ETV5: variants seen among roughly 807,000 people sequenced by gnomAD.
ETV5 encodes ETS translocation variant 5.
Under a neutral mutation model 70.0 loss-of-function variants are expected in ETV5, and 10 were observed. That is an observed-to-expected ratio of 0.14 (90% CI 0.09 to 0.24). ETV5 has a LOEUF of 0.24. Ranked by LOEUF, ETV5 falls within the 10% of genes least tolerant of loss-of-function variation. The probability of loss-of-function intolerance (pLI) is 1.00; values close to 1 mark genes in which losing one functional copy is unlikely to be tolerated. For missense variants in ETV5, 453 were observed against 651.2 expected (o/e 0.70, Z 3.31); for synonymous variants, 216 against 242.2 (o/e 0.89, Z 1.01).
At chr3:186,086,924 T>G (rs1714073042) in intron 5 of ETV5, among the ~76,000 whole-genome samples, 2 of 151,906 alleles carry the variant, frequency 1.3e-5, no homozygotes, top group South Asian at 4.1e-4. Context: ...TGAGCTGTGA[T>G]CATGCCACTG....
chr3:186,073,175 A>G (rs1713686770), intron 7 of ETV5, among the ~76,000 whole-genome samples: 1 of 152,230 alleles, frequency 6.6e-6, no homozygotes, highest in Admixed American at 6.5e-5. Flanking sequence ...GTGATGATGA[A>G]AAGATCAGGG....
rs540228055 is a variant in ETV5 at position 186,081,239 on chromosome 3, T to C, written c.233-64A>G. 10 of 1,485,088 alleles carry C rather than the reference T, an allele frequency of 6.7e-6. No homozygotes were observed. In the African/African-American group the frequency reaches 1.3e-4, roughly 19 times the overall value. 92.0% of individuals were successfully genotyped at this position (1,485,088 alleles called of 1,614,324 possible). On this transcript the variant is annotated intron_variant, in intron 5 of 12. Coordinates refer to ENST00000306376, the MANE Select transcript of ETV5 (RefSeq NM_004454.3). ...AACAGCTGATTAACAGGGAGCACAA[T>C]GCTTCCTTCTGCAAACCTTCTAACT...
At chr3:186,078,283 T>C in intron 7 of ETV5, 1 of 805,880 alleles carries the variant, frequency 1.2e-6, no homozygotes, top group Non-Finnish European at 1.6e-6. Flanking sequence ...GTTCATGGTA[T>C]AACAAATAGA....
At chr3:186,108,823 T>C in intron 1 of ETV5, 117 bp downstream of exon 1, 3 of 271,600 alleles carry the variant, frequency 1.1e-5, no homozygotes, top group South Asian at 1.0e-4. Context: ...CCCCAGCTAC[T>C]GCACCCCGAC....
At chr3:186,048,906 TG>T in intron 12 of ETV5, 46 bp from the exon 13 acceptor site, 1 of 1,507,804 alleles carries the variant, frequency 6.6e-7, no homozygotes, top group South Asian at 1.1e-5. Flanking sequence ...GAACAGGGCA[TG>T]GGATCAGGGG....
At chr3:186,078,100 G>A (rs1408927828) in intron 7 of ETV5, 12 of 1,051,962 alleles carry the variant, frequency 1.1e-5, no homozygotes, top group Non-Finnish European at 1.4e-5. Flanking sequence ...GTGGACTGGA[G>A]ACAGGCTTAT....
intron 7 of ETV5, among the ~76,000 whole-genome samples, chr3:186,070,329 C>A (rs1578546378): frequency 1.3e-5 from 2 of 152,324 alleles, no homozygotes; most frequent in Admixed American, 1.3e-4. Flanking sequence ...AGGCTGGTGG[C>A]CTCACTTCCG....
At chr3:186,069,511 T>TC (rs935279447) in intron 7 of ETV5, among the ~76,000 whole-genome samples, 1 of 150,644 alleles carries the variant, frequency 6.6e-6, no homozygotes, top group Non-Finnish European at 1.5e-5. Flanking sequence ...GTTTTTTTTT[T>TC]TTTTTTTTTA....
Position 186,052,266 on chromosome 3 carries a change from G to A in ETV5, c.1210-135C>T, listed in dbSNP as rs1193518765. 1.4e-5 allele frequency: 10 copies of A among 716,092 alleles called. No individual in the cohort carries two copies. The highest frequency in any genetic ancestry group is 2.4e-5 in the Non-Finnish European group (10 of 423,146). 44.4% of individuals were successfully genotyped at this position (716,092 alleles called of 1,614,324 possible). On this transcript the variant is annotated intron_variant, in intron 11 of 12. Coordinates refer to ENST00000306376, the MANE Select transcript of ETV5 (RefSeq NM_004454.3). The surrounding 1 kb of genome is among the most constrained non-coding windows in gnomAD (Gnocchi z 4.5). ...CTGCTACTCTGACCTGGAAGGGAAG[G>A]CATTTAACTCCCTCAAGACCAAACA...
chr3:186,084,202 G>T, intron 5 of ETV5: 1 of 449,968 alleles, frequency 2.2e-6, no homozygotes. Context: ...TGATGACAGA[G>T]ACCCAGGACT....
At chr3:186,093,371 G>A (rs1714229570) in intron 5 of ETV5, among the ~76,000 whole-genome samples, 1 of 152,078 alleles carries the variant, frequency 6.6e-6, no homozygotes, top group African/African-American at 2.4e-5. Context: ...ATTATCTAGT[G>A]GCTTCATATA....
At chr3:186,091,303 G>A (rs552015144) in intron 5 of ETV5, among the ~76,000 whole-genome samples, 6 of 152,322 alleles carry the variant, frequency 3.9e-5, no homozygotes, top group African/African-American at 1.4e-4. Context: ...ATTAATCATG[G>A]TGGTGGAAGG....
At chr3:186,059,178 A>T (rs952277857) in intron 9 of ETV5, among the ~76,000 whole-genome samples, 2 of 152,186 alleles carry the variant, frequency 1.3e-5, no homozygotes, top group African/African-American at 4.8e-5. Flanking sequence ...CTGGGACTGA[A>T]GAAACTCTGC....
rs574051113 is a variant in ETV5, at chr3:186,058,946, G to A, written c.971-1455C>T. 9.2e-5 allele frequency among the ~76,000 whole-genome samples: 14 copies of A among 151,486 alleles called. No individual in the cohort carries two copies. In the East Asian group the frequency reaches 2.7e-3, roughly 29 times the overall value. ...GAGAATTGCTTGAATCCAGGAGGCG[G>A]AGGTTACAGTGGGTGGAGATCACGC... On this transcript the variant is annotated intron_variant, in intron 9 of 12. Transcript: ENST00000306376.
At chr3:186,107,156 C>G (rs563000114) in intron 1 of ETV5, among the ~76,000 whole-genome samples, 1 of 152,288 alleles carries the variant, frequency 6.6e-6, no homozygotes, top group South Asian at 2.1e-4. Context: ...CCCAAGGAAT[C>G]AGATATTTTC....
At chr3:186,077,229 G>A (rs1471152895) in intron 7 of ETV5, among the ~76,000 whole-genome samples, 2 of 152,146 alleles carry the variant, frequency 1.3e-5, no homozygotes, top group Admixed American at 6.5e-5. Context: ...TAGGGATTTC[G>A]TTTTGAAGTA....
chr3:186,065,832 C>A lies in ETV5; in HGVS notation c.891G>T (p.Arg297=). 1 of 1,614,048 alleles carries A rather than the reference C, an allele frequency of 6.2e-7. No individual in the cohort carries two copies. Among genetic ancestry groups the A allele is most frequent in the Non-Finnish European group, 8.5e-7 (1 of 1,180,022 alleles). Residue 297 remains arginine (R), a synonymous_variant, in exon 8 of 13, where the codon CGG becomes CGT. Coordinates refer to ENST00000306376, the MANE Select transcript of ETV5 (RefSeq NM_004454.3). The part of the protein sequence containing the change: ...QSPMGIKQEP[R]DYCVDSEVPN... ...GCTGACCTGAATCGACGCAGTAATC[C>A]CGAGGCTCCTGCTTGATTCCCATTG...
At chr3:186,053,124 T>G (rs1713073168) in intron 11 of ETV5, among the ~76,000 whole-genome samples, 1 of 152,128 alleles carries the variant, frequency 6.6e-6, no homozygotes, top group African/African-American at 2.4e-5. Context: ...TTTTCTGAGA[T>G]GGAGTCTCAC....
intron 7 of ETV5, chr3:186,076,463 A>G (rs955451459): frequency 1.1e-5 from 2 of 184,640 alleles, no homozygotes; most frequent in African/African-American, 2.3e-5. Flanking sequence ...TATTGATGCT[A>G]AACTTAGTGT....
Sources: gnomAD v4.1 joint callset for allele counts (sites outside exome capture counted in the v4.1 genomes callset) on GRCh38, gnomAD v4.1.1 for gene constraint, Gnocchi (gnomAD v3.1) non-coding constraint, MANE v1.5 for transcripts, NCBI Gene and HGNC (gene_info 2026-07-23, HGNC 2026-07-21) for gene names.